PTPRT: variants seen among roughly 807,000 people sequenced by gnomAD.
PTPRT encodes the protein protein tyrosine phosphatase receptor type T, also known as receptor-type tyrosine-protein phosphatase T.
A neutral mutation model predicts 176.8 loss-of-function variants in PTPRT; 56 were observed. The observed-to-expected ratio is 0.32, with a 90% CI of 0.26 to 0.40. The LOEUF is 0.40. Ranked by LOEUF, PTPRT falls within the 10% of genes least tolerant of loss-of-function variation. The probability of loss-of-function intolerance (pLI) is 1.00; values close to 1 mark genes in which losing one functional copy is unlikely to be tolerated. For missense variants in PTPRT, 1,540 were observed against 1,908.2 expected (o/e 0.81, Z 3.60); for synonymous variants, 783 against 739.0 (o/e 1.06, Z -0.96).
chr20:42,347,505 T>G (rs1224828980), intron 11 of PTPRT, among the ~76,000 whole-genome samples: 2 of 152,124 alleles, frequency 1.3e-5, no homozygotes, highest in African/African-American at 4.8e-5. Context: ...TCAATACCCC[T>G]GGGTTGCAAG....
chr20:42,440,481 CTT>C (rs759500806), intron 9 of PTPRT, among the ~76,000 whole-genome samples: 27 of 138,444 alleles, frequency 2.0e-4, no homozygotes, highest in Admixed American at 2.2e-4. Flanking sequence ...TTGTTTCTTT[CTT>C]TTTTTTTTTT....
At chr20:42,826,824 A>G (rs1357626631) in intron 2 of PTPRT, among the ~76,000 whole-genome samples, 1 of 152,214 alleles carries the variant, frequency 6.6e-6, no homozygotes, top group East Asian at 1.9e-4. Context: ...CTCACATGCA[A>G]TGAATGGCAC....
chr20:42,193,456 G>A lies in PTPRT; in HGVS notation c.2491+5784C>T, dbSNP rs1991077730. 3.3e-5 allele frequency among the ~76,000 whole-genome samples: 5 copies of A among 152,344 alleles called. No individual in the cohort carries two copies. The South Asian group carries it at 1.0e-3, about 32-fold the overall frequency. On this transcript the variant is annotated intron_variant, in intron 16 of 30. Transcript: ENST00000373187. ...ACCTTCCTCTGTGAGACTGGTGAAT[G>A]TTGGGCTACCATCCACAGTAGAGGA...
At chr20:42,708,788 T>C (rs756784746) in intron 6 of PTPRT, among the ~76,000 whole-genome samples, 3 of 152,228 alleles carry the variant, frequency 2.0e-5, no homozygotes, top group Non-Finnish European at 2.9e-5. Flanking sequence ...ATTTGCTGTG[T>C]GATCTTAGGG....
intron 12 of PTPRT, among the ~76,000 whole-genome samples, chr20:42,284,331 A>G (rs914011164): frequency 3.3e-5 from 5 of 152,088 alleles, no homozygotes; most frequent in African/African-American, 1.2e-4. Context: ...GCCTGCTTCT[A>G]CATGTACAAG....
chr20:43,135,776 G>T (rs577224169), intron 1 of PTPRT, among the ~76,000 whole-genome samples: 1 of 152,306 alleles, frequency 6.6e-6, no homozygotes, highest in South Asian at 2.1e-4. Flanking sequence ...ATTAAAGAAT[G>T]CAAGTTCATT....
chr20:43,179,285 C>A (rs140909043), intron 1 of PTPRT, among the ~76,000 whole-genome samples: 2 of 152,182 alleles, frequency 1.3e-5, no homozygotes, highest in Non-Finnish European at 2.9e-5. Flanking sequence ...TAATAACTTA[C>A]GTGTTTACAT....
intron 1 of PTPRT, chr20:43,063,743 A>G (rs1568762009): frequency 6.6e-6 from 1 of 152,242 alleles, no homozygotes; most frequent in Non-Finnish European, 1.5e-5. Context: ...GCTCCAAAGA[A>G]AAGAGGAAAC....
chr20:42,760,397 T>A (rs1220231552), intron 5 of PTPRT, among the ~76,000 whole-genome samples: 1 of 148,680 alleles, frequency 6.7e-6, no homozygotes, highest in Non-Finnish European at 1.5e-5. Context: ...TTTTTTTTTT[T>A]TTTTTTTTTT....
At chr20:42,489,262 G>C (rs1220675524) in intron 7 of PTPRT, among the ~76,000 whole-genome samples, 2 of 151,866 alleles carry the variant, frequency 1.3e-5, no homozygotes, top group Non-Finnish European at 2.9e-5. Flanking sequence ...CAGGCACATG[G>C]TCAGGTTGTA....
intron 6 of PTPRT, among the ~76,000 whole-genome samples, chr20:42,709,447 C>T (rs1283520612): frequency 6.6e-6 from 1 of 152,152 alleles, no homozygotes; most frequent in Non-Finnish European, 1.5e-5. Context: ...CCCTTTCTTG[C>T]CATGTGACAA....
chr20:42,635,233 T>C (rs1413894416), intron 7 of PTPRT, among the ~76,000 whole-genome samples: 4 of 141,744 alleles, frequency 2.8e-5, no homozygotes, highest in Non-Finnish European at 5.9e-5. Flanking sequence ...TAGAACTACA[T>C]TGAAAACAAA....
At chr20:42,610,379 G>GTTTT (rs74271793) in intron 7 of PTPRT, among the ~76,000 whole-genome samples, 2 of 136,430 alleles carry the variant, frequency 1.5e-5, no homozygotes. Flanking sequence ...TACTTGTTTT[G>GTTTT]TTTTTTTTTT....
chr20:42,038,192 T>TAA, the PTPRT span, among the ~76,000 whole-genome samples: 1 of 152,198 alleles, frequency 6.6e-6, no homozygotes, highest in Non-Finnish European at 1.5e-5. Context: ...TGCTCTGCTT[T>TAA]AATCCGCCCA....
At chr20:43,094,721 G>A (rs934726677) in intron 1 of PTPRT, among the ~76,000 whole-genome samples, 5 of 152,018 alleles carry the variant, frequency 3.3e-5, no homozygotes, top group African/African-American at 1.2e-4. Flanking sequence ...ATCACCTTAG[G>A]TGTTTATTGT....
downstream of PTPRT, among the ~76,000 whole-genome samples, chr20:42,070,875 T>C (rs1982295421): frequency 6.6e-6 from 1 of 152,228 alleles, no homozygotes; most frequent in African/African-American, 2.4e-5. Flanking sequence ...CCAAATATTT[T>C]TTTTTAAAGT....
intron 27 of PTPRT, among the ~76,000 whole-genome samples, chr20:42,091,618 G>C (rs1486905539): frequency 6.6e-6 from 1 of 152,234 alleles, no homozygotes; most frequent in Non-Finnish European, 1.5e-5. Flanking sequence ...ATTTTAAAGA[G>C]AGAAATGTAA....
At chr20:42,190,109 T>C (rs1990936856) in intron 16 of PTPRT, among the ~76,000 whole-genome samples, 1 of 150,326 alleles carries the variant, frequency 6.7e-6, no homozygotes, top group South Asian at 2.1e-4. Context: ...TCAATAAAAC[T>C]GGAGGGGGCA....
At chr20:43,129,635 T>TTTC (rs1272518864) in intron 1 of PTPRT, among the ~76,000 whole-genome samples, 1 of 143,654 alleles carries the variant, frequency 7.0e-6, no homozygotes, top group Admixed American at 6.9e-5. Context: ...TTTTTTTTTT[T>TTTC]TGAGACGGAG....
Sources: gnomAD v4.1 joint callset for allele counts (sites outside exome capture counted in the v4.1 genomes callset) on GRCh38, gnomAD v4.1.1 for gene constraint, MANE v1.5 for transcripts, NCBI Gene and HGNC (gene_info 2026-07-23, HGNC 2026-07-21) for gene names.